Variants in TMEM132C observed in about 807,000 individuals in gnomAD.
TMEM132C encodes protein phosphatase 1, regulatory subunit 152.
A neutral mutation model predicts 61.4 loss-of-function variants in TMEM132C; 29 were observed. The ratio of observed to expected loss-of-function variants is 0.47; its 90% CI spans 0.35 to 0.64. The LOEUF (loss-of-function observed/expected upper bound fraction) is 0.64. Among genes scored for constraint, TMEM132C ranks in the 30% least tolerant of loss-of-function variants. The pLI is 0.00. For synonymous variants in TMEM132C, 656 were observed against 633.1 expected (o/e 1.04, Z -0.54); for missense variants, 1,408 against 1,476.9 (o/e 0.95, Z 0.76).
At chr12:128,410,820 A>T (rs1230381261) in intron 1 of TMEM132C, among the ~76,000 whole-genome samples, 1 of 152,148 alleles carries the variant, frequency 6.6e-6, no homozygotes, top group Non-Finnish European at 1.5e-5. Flanking sequence ...CTTATTGCAA[A>T]TTTTGCCAAT....
chr12:128,357,103 G>C (rs1811306146), intron 1 of TMEM132C, among the ~76,000 whole-genome samples: 2 of 152,156 alleles, frequency 1.3e-5, no homozygotes, highest in Admixed American at 6.5e-5. Context: ...TTTCTCTCTT[G>C]AATACAGCAG....
At chr12:128,443,822 A>G (rs1456666857) in intron 2 of TMEM132C, among the ~76,000 whole-genome samples, 2 of 152,164 alleles carry the variant, frequency 1.3e-5, no homozygotes, top group Non-Finnish European at 2.9e-5. Flanking sequence ...GCTGCCCGGA[A>G]TGCTCCGTCC....
intron 3 of TMEM132C, among the ~76,000 whole-genome samples, chr12:128,564,434 C>G (rs2136166085): frequency 6.6e-6 from 1 of 152,320 alleles, no homozygotes; most frequent in African/African-American, 2.4e-5. Context: ...CAAGTACAAA[C>G]TGTGCCGCCT....
intron 1 of TMEM132C, among the ~76,000 whole-genome samples, chr12:128,316,192 G>A (rs1872146641): frequency 6.6e-6 from 1 of 152,078 alleles, no homozygotes; most frequent in African/African-American, 2.4e-5. Context: ...ACCACGCTTT[G>A]TCACTAATTC....
At chr12:128,657,982 G>A (rs966272243) in intron 4 of TMEM132C, among the ~76,000 whole-genome samples, 7 of 152,216 alleles carry the variant, frequency 4.6e-5, no homozygotes, top group Non-Finnish European at 8.8e-5. Flanking sequence ...GATGAGGAAA[G>A]CAAAGCTCCA....
rs1024017768 is a variant in TMEM132C at position 128,645,293 on chromosome 12, G to T, written c.1306-24124G>T. Reference sequence around the variant, plus strand: ...ACAGCCAGGGATGGGCACCACCCAGGCTGGGCCAACTGGGTCTTTCTGATT... The same window carrying T: ...ACAGCCAGGGATGGGCACCACCCAGTCTGGGCCAACTGGGTCTTTCTGATT... On this transcript the variant is annotated intron_variant, in intron 4 of 8. Transcript: ENST00000435159. Among the ~76,000 whole-genome samples the T allele has an allele frequency of 2.0e-5, 3 of 152,236 alleles. No individual in the cohort carries two copies. In the South Asian group the frequency reaches 6.2e-4, roughly 32 times the overall value.
intron 4 of TMEM132C, among the ~76,000 whole-genome samples, chr12:128,633,394 A>G (rs1954077887): frequency 6.6e-6 from 1 of 152,198 alleles, no homozygotes; most frequent in African/African-American, 2.4e-5. Context: ...CCAAAATGCT[A>G]TAATGTTATT....
intron 3 of TMEM132C, among the ~76,000 whole-genome samples, chr12:128,587,187 T>G (rs917255931): frequency 1.3e-5 from 2 of 152,194 alleles, no homozygotes; most frequent in Non-Finnish European, 2.9e-5. Flanking sequence ...CATAAGATGG[T>G]ATCTTAGTTC....
At chr12:128,528,957 A>G (rs79129980) in intron 2 of TMEM132C, among the ~76,000 whole-genome samples, 3,869 of 152,256 alleles carry the variant, frequency 0.025, 180 homozygotes, top group African/African-American at 0.088. Flanking sequence ...TTTTAGTTCC[A>G]AGGCTAAAAA....
chr12:128,706,435 C>A lies in TMEM132C; in HGVS notation c.*140C>A. ...TAGACCAGTTGGAAAGTTTTGAAGT[C>A]AGGAAAAGACGTTTTTGTATCAAGG... On this transcript the variant is annotated 3_prime_UTR_variant, in exon 9 of 9. Coordinates refer to ENST00000435159, the MANE Select transcript of TMEM132C (RefSeq NM_001136103.3). 8.9e-7 allele frequency: 1 copy of A among 1,121,542 alleles called. No individual in the cohort carries two copies. Among genetic ancestry groups the A allele is most frequent in the Non-Finnish European group, 1.2e-6 (1 of 842,868 alleles). 69.5% of individuals were successfully genotyped at this position (1,121,542 alleles called of 1,614,324 possible). A position where few individuals can be genotyped will look rare whatever the true frequency, so the allele number is the denominator to read the frequency against.
chr12:128,705,200 C>A lies in TMEM132C; in HGVS notation c.2232C>A (p.Val744=). ...CAGCCACCTCCCAGGACGAGGCTGTCGTGTCAGTCCCCCAGCCCCGCTCTC... is the reference window on the plus strand; with the variant it reads ...CAGCCACCTCCCAGGACGAGGCTGTAGTGTCAGTCCCCCAGCCCCGCTCTC... ...SLAATSQDEA[V]VSVPQPRSPR... The change falls in exon 9 of 9, where the codon GTC becomes GTA. Residue 744 remains valine, a synonymous_variant. Transcript: ENST00000435159. The A allele has an allele frequency of 1.3e-6, 2 of 1,551,728 alleles. No homozygotes were observed. The highest frequency in any genetic ancestry group is 2.7e-5 in the African/African-American group (2 of 73,172).
At chr12:128,554,561 G>C (rs1386577938) in intron 3 of TMEM132C, among the ~76,000 whole-genome samples, 1 of 152,186 alleles carries the variant, frequency 6.6e-6, no homozygotes, top group East Asian at 1.9e-4. Context: ...TGCAAAAGTG[G>C]CCTGTTTGAG....
Position 128,352,940 on chromosome 12 carries a change from C to A in TMEM132C, c.86-61792C>A, listed in dbSNP as rs755519189. Among the ~76,000 whole-genome samples, 54 of 152,132 alleles carry A rather than the reference C, an allele frequency of 3.5e-4. 1 individual carries two copies. Among genetic ancestry groups the A allele is most frequent in the Admixed American group, 1.3e-4 (2 of 15,268 alleles). ...GGAAGTGTGACATCTGGAAGCAAAGCACAAGGGAACTGTCCGAGGTGGGAG... is the reference window on the plus strand; with the variant it reads ...GGAAGTGTGACATCTGGAAGCAAAGAACAAGGGAACTGTCCGAGGTGGGAG... On this transcript the variant is annotated intron_variant, in intron 1 of 8. Transcript: ENST00000435159.
rs1017028377 is a variant in TMEM132C, at chr12:128,570,249, G to A, written c.1121+26146G>A. Among the ~76,000 whole-genome samples, 4 of 152,068 alleles carry A rather than the reference G, an allele frequency of 2.6e-5. No individual in the cohort carries two copies. Among genetic ancestry groups the A allele is most frequent in the Admixed American group, 6.5e-5 (1 of 15,280 alleles). On this transcript the variant is annotated intron_variant, in intron 3 of 8. Transcript: ENST00000435159. This position sits in a 1 kb window ranked among gnomAD's most constrained non-coding sequence, Gnocchi z 4.7. ...CACACTCACACTGTGGTCACATTGA[G>A]AAAAGATGCAAGACGCATTCTGACA...
chr12:128,696,908 C>T (rs1467509970), intron 7 of TMEM132C, among the ~76,000 whole-genome samples: 2 of 152,302 alleles, frequency 1.3e-5, no homozygotes, highest in Middle Eastern at 3.4e-3. Context: ...TCACCATGTA[C>T]AGTTAACCAG....
intron 1 of TMEM132C, among the ~76,000 whole-genome samples, chr12:128,380,420 G>A (rs1332814172): frequency 6.6e-6 from 1 of 152,212 alleles, no homozygotes; most frequent in East Asian, 1.9e-4. Flanking sequence ...TAATGCCTTG[G>A]ATGCCACTGA....
Position 128,542,587 on chromosome 12 carries a change from C to T in TMEM132C, c.975-1370C>T, listed in dbSNP as rs180731281. 3.9e-4 allele frequency among the ~76,000 whole-genome samples: 60 copies of T among 152,178 alleles called. 1 individual carries two copies. In the East Asian group the frequency reaches 9.9e-3, roughly 25 times the overall value. On this transcript the variant is annotated intron_variant, in intron 2 of 8. Transcript: ENST00000435159. ...TCCTAAACTGCTGGGATTGGCCGGA[C>T]GCAGTGGCTGACACCTGTAATCCCA...
chr12:128,523,365 G>A (rs1042507599), intron 2 of TMEM132C, among the ~76,000 whole-genome samples: 7 of 152,274 alleles, frequency 4.6e-5, no homozygotes, highest in East Asian at 1.9e-4. Flanking sequence ...ATACTGTGCC[G>A]ATGCTTAATG....
chr12:128,432,368 A>C (rs1170737638), intron 2 of TMEM132C, among the ~76,000 whole-genome samples: 1 of 152,244 alleles, frequency 6.6e-6, no homozygotes, highest in East Asian at 1.9e-4. Context: ...ATCTAAGCAA[A>C]GTAAATGGAA....
Sources: gnomAD v4.1 joint callset for allele counts (sites outside exome capture counted in the v4.1 genomes callset) on GRCh38, gnomAD v4.1.1 for gene constraint, Gnocchi (gnomAD v3.1) non-coding constraint, MANE v1.5 for transcripts, NCBI Gene and HGNC (gene_info 2026-07-23, HGNC 2026-07-21) for gene names.